The following CFAP20DC variants were observed in gnomAD, a reference collection of about 807,000 sequenced individuals.
CFAP20DC encodes the protein CFAP20 domain containing, also known as protein CFAP20DC.
CFAP20DC carries 84 observed loss-of-function variants against 101.7 expected under a neutral mutation model. The observed-to-expected ratio is 0.83, with a 90% CI of 0.69 to 0.99. The LOEUF is 0.99. Ranked by LOEUF, CFAP20DC falls within the 50% of genes least tolerant of loss-of-function variation. The probability of loss-of-function intolerance (pLI) is 0.00; values close to 1 mark genes in which losing one functional copy is unlikely to be tolerated. For missense variants in CFAP20DC, 1,007 were observed against 970.3 expected, an observed-to-expected ratio of 1.04 and a Z score of -0.50; for synonymous variants, 359 against 351.2, an observed-to-expected ratio of 1.02 and a Z score of -0.25.
Position 58,788,558 on chromosome 3 carries a change from G to C in CFAP20DC, c.2237+17837C>G, listed in dbSNP as rs573318630. On this transcript the variant is annotated intron_variant, in intron 15 of 16. Transcript: ENST00000482387. The surrounding 1 kb of genome is among the most constrained non-coding windows in gnomAD (Gnocchi z 4.2). ...TGGGATGCTAACATATTCCCGTGCT[G>C]CATGTCTGGATGAACACATGGCTAG... Among the ~76,000 whole-genome samples, 1 of 152,248 alleles carries C rather than the reference G, an allele frequency of 6.6e-6. No homozygotes were observed. The highest frequency in any genetic ancestry group is 2.1e-4 in the South Asian group (1 of 4,828).
At position 59,007,439 on chromosome 3, in the gene CFAP20DC, A is replaced by G. The variant is rs2093463539; in HGVS notation, c.278+32118T>C. On this transcript the variant is annotated intron_variant, in intron 4 of 16. Transcript: ENST00000482387. The surrounding 1 kb of genome is among the most constrained non-coding windows in gnomAD (Gnocchi z 4.4). ...GGCTGGAGGCCAACCAACTCAAGCC[A>G]TTACAGCAACTCATGACAGAATAAT... Among the ~76,000 whole-genome samples, 1 of 152,228 alleles carries G rather than the reference A, an allele frequency of 6.6e-6. No homozygotes were observed. The highest frequency in any genetic ancestry group is 6.5e-5 in the Admixed American group (1 of 15,286).
At chr3:58,725,120 A>G (rs2067530771) in intron 3 of CFAP20DC, among the ~76,000 whole-genome samples, 1 of 152,184 alleles carries the variant, frequency 6.6e-6, no homozygotes, top group Non-Finnish European at 1.5e-5. Context: ...GTTTGAAACA[A>G]AGTTATCTAT....
At chr3:58,752,765 G>A (rs754640762) in intron 16 of CFAP20DC, among the ~76,000 whole-genome samples, 2 of 152,090 alleles carry the variant, frequency 1.3e-5, no homozygotes, top group African/African-American at 4.8e-5. Flanking sequence ...CAACTCAGAT[G>A]TATGGGCTCT....
intron 4 of CFAP20DC, among the ~76,000 whole-genome samples, chr3:58,998,563 G>A (rs2093209583): frequency 6.6e-6 from 1 of 152,236 alleles, no homozygotes; most frequent in Non-Finnish European, 1.5e-5. Context: ...AATCCTATGA[G>A]GCAGCATGGT....
chr3:58,749,542 G>A (rs1266700228), intron 16 of CFAP20DC, among the ~76,000 whole-genome samples: 1 of 152,176 alleles, frequency 6.6e-6, no homozygotes, highest in African/African-American at 2.4e-5. Flanking sequence ...TATCTCATGG[G>A]AGATTAATCA....
chr3:58,753,680 A>T, intron 16 of CFAP20DC, 89 bp downstream of exon 16: 1 of 892,962 alleles, frequency 1.1e-6, no homozygotes, highest in Admixed American at 2.2e-5. Flanking sequence ...ACATTTAATA[A>T]AAACAGTGGC....
intron 14 of CFAP20DC, among the ~76,000 whole-genome samples, chr3:58,820,397 T>C (rs1199570624): frequency 5.3e-5 from 8 of 150,500 alleles, no homozygotes; most frequent in South Asian, 4.3e-4. Context: ...GAAAACCCCA[T>C]TGTCTCAGCC....
chr3:58,986,542 AT>A (rs1419675224), intron 4 of CFAP20DC, among the ~76,000 whole-genome samples: 3 of 152,160 alleles, frequency 2.0e-5, no homozygotes, highest in African/African-American at 4.8e-5. Context: ...CAAAAAATAA[AT>A]AAAAAATAAA....
At chr3:58,839,401 G>A (rs2037165) in intron 13 of CFAP20DC, among the ~76,000 whole-genome samples, 43,153 of 151,990 alleles carry the variant, frequency 0.28, 6,277 homozygotes, top group Non-Finnish European at 0.31. Flanking sequence ...TGGAGATGAA[G>A]ATAAGATAAA....
chr3:58,843,235 A>G (rs2077311424), intron 13 of CFAP20DC, among the ~76,000 whole-genome samples: 1 of 152,108 alleles, frequency 6.6e-6, no homozygotes, highest in Non-Finnish European at 1.5e-5. Flanking sequence ...AGGACATTCA[A>G]ACCAAAGGCA....
chr3:58,963,676 T>C (rs1048038594), intron 4 of CFAP20DC, among the ~76,000 whole-genome samples: 1 of 152,172 alleles, frequency 6.6e-6, no homozygotes, highest in African/African-American at 2.4e-5. Flanking sequence ...AAAAGTAATG[T>C]ATGCTCATTT....
intron 4 of CFAP20DC, among the ~76,000 whole-genome samples, chr3:59,011,058 A>T (rs182766534): frequency 2.0e-5 from 3 of 152,162 alleles, no homozygotes; most frequent in Admixed American, 2.0e-4. Context: ...ATACAACAAA[A>T]GTGGTCTTAA....
At chr3:58,857,496 A>C (rs2078930739) in intron 12 of CFAP20DC, among the ~76,000 whole-genome samples, 1 of 152,174 alleles carries the variant, frequency 6.6e-6, no homozygotes, top group African/African-American at 2.4e-5. Flanking sequence ...AAGCAGATGG[A>C]TTTAGCTGTG....
intron 3 of CFAP20DC, among the ~76,000 whole-genome samples, chr3:59,045,063 TAA>T (rs1365476046): frequency 6.6e-6 from 1 of 151,204 alleles, no homozygotes; most frequent in Non-Finnish European, 1.5e-5. Flanking sequence ...GGCAATAAAT[TAA>T]AAACTATCTT....
chr3:58,970,600 T>G (rs1184423442), intron 4 of CFAP20DC: 1 of 152,176 alleles, frequency 6.6e-6, no homozygotes, highest in East Asian at 1.9e-4. Flanking sequence ...CTATCCAGTT[T>G]GTGGTGACTT....
At position 58,866,583 on chromosome 3, in the gene CFAP20DC, T is replaced by A. The variant is rs1340328766; in HGVS notation, c.1241A>T (p.Gln414Leu). 8 of 1,611,772 alleles carry A rather than the reference T, an allele frequency of 5.0e-6. No individual in the cohort carries two copies. In the African/African-American group the frequency reaches 1.1e-4, roughly 22 times the overall value. Residue 414 changes from glutamine (Q) to leucine (L), a missense_variant, in exon 11 of 17, where the codon CAG becomes CTG. Transcript: ENST00000482387. ...ATGCCAACCTGATTGATCAGGAGAC[T>A]GGGGTCCTAGAGTGCCGGAGTTCAA... The part of the protein sequence containing the change: ...ELLNSGTLGP[Q>L]SPDQSDEWIF...
At chr3:58,841,675 T>C (rs2077119718) in intron 13 of CFAP20DC, among the ~76,000 whole-genome samples, 2 of 152,230 alleles carry the variant, frequency 1.3e-5, no homozygotes, top group Non-Finnish European at 2.9e-5. Flanking sequence ...TTTTCAAAAA[T>C]GGAGATGTGA....
chr3:59,016,151 T>G (rs1461377080), intron 4 of CFAP20DC, among the ~76,000 whole-genome samples: 1 of 151,862 alleles, frequency 6.6e-6, no homozygotes, highest in Non-Finnish European at 1.5e-5. Flanking sequence ...AATGAATGAA[T>G]AAAGAAAATG....
intron 12 of CFAP20DC, among the ~76,000 whole-genome samples, chr3:58,855,418 A>T (rs1324388774): frequency 2.6e-5 from 4 of 152,300 alleles, no homozygotes; most frequent in African/African-American, 7.2e-5. Flanking sequence ...CCACTGTGGA[A>T]GTCAGTGTGG....
Sources: allele counts gnomAD v4.1 joint callset (sites outside exome capture counted in the v4.1 genomes callset), GRCh38; gene constraint gnomAD v4.1.1; non-coding constraint Gnocchi (gnomAD v3.1); transcripts MANE v1.5; gene names NCBI Gene and HGNC (gene_info 2026-07-23, HGNC 2026-07-21).